The following TLK2 variants were observed in gnomAD, a reference collection of about 807,000 sequenced individuals.
TLK2 encodes the protein serine/threonine-protein kinase tousled-like 2.
In TLK2, 6 loss-of-function variants were observed where a neutral mutation model predicts 117.3. That is an observed-to-expected ratio of 0.05 (90% CI 0.03 to 0.10). The LOEUF (loss-of-function observed/expected upper bound fraction) is 0.10, where lower values mean the gene tolerates loss of function less well. Among genes scored for constraint, TLK2 ranks in the 10% least tolerant of loss-of-function variants. TLK2 has a pLI of 1.00. For synonymous variants in TLK2, 257 were observed against 316.7 expected, an observed-to-expected ratio of 0.81 and a Z score of 2.00; for missense variants, 299 against 901.2, an observed-to-expected ratio of 0.33 and a Z score of 8.56.
exon 1 of TLK2, chr17:62,471,067 C>T (rs2070932056): frequency 6.6e-6 from 1 of 152,252 alleles, no homozygotes; most frequent in South Asian, 2.1e-4. Context: ...GCCTTGATGA[C>T]AGCCTGTGGA....
intron 12 of TLK2, chr17:62,574,474 G>C (rs952551423): frequency 1.2e-6 from 1 of 819,580 alleles, no homozygotes; most frequent in African/African-American, 1.7e-5. Context: ...TGTGCATAAT[G>C]AACTTGGAAA....
chr17:62,569,502 C>G (rs1321294187), intron 11 of TLK2, among the ~76,000 whole-genome samples: 1 of 124,958 alleles, frequency 8.0e-6, no homozygotes, highest in Non-Finnish European at 1.6e-5. Flanking sequence ...GTGGCGTGAT[C>G]TCGGCTCACT....
At chr17:62,489,359 C>G (rs2072856804) in intron 2 of TLK2, among the ~76,000 whole-genome samples, 1 of 151,994 alleles carries the variant, frequency 6.6e-6, no homozygotes, top group South Asian at 2.1e-4. Flanking sequence ...TGCCACCATG[C>G]CCGGCTAATT....
At position 62,557,778 on chromosome 17, in the gene TLK2, CA is replaced by C. The variant is rs576101315; in HGVS notation, c.721-2237del. The stretch of plus-strand genomic sequence containing the variant: ...ATCTGACTCTTTAAGATTGAGATGA[CA>C]GAGTATGAGAAAAACTTGAATCCTA... On this transcript the variant is annotated intron_variant, in intron 9 of 21. Coordinates refer to ENST00000346027, the MANE Select transcript of TLK2 (RefSeq NM_006852.6). Among the ~76,000 whole-genome samples the C allele has an allele frequency of 1.3e-3, 192 of 152,274 alleles. 1 individual carries two copies. Among genetic ancestry groups the C allele is most frequent in the Non-Finnish European group, 2.1e-3 (140 of 68,014 alleles).
In TLK2 at chr17:62,558,100, G is replaced by A. The variant is rs187383261; in HGVS notation, c.721-1916G>A. On this transcript the variant is annotated intron_variant, in intron 9 of 21. Transcript: ENST00000346027. ...TTTCAGACGTCATTCATTGAATTTT[G>A]CCATTTTAATAAGATGTTGGGTATG... is the stretch of plus-strand genomic sequence containing the variant. Among the ~76,000 whole-genome samples the A allele has an allele frequency of 5.3e-3, 807 of 151,736 alleles. 31 individuals carry two copies. The South Asian group carries it at 0.085, about 16-fold the overall frequency.
chr17:62,599,680 C>G (rs1228260495), intron 17 of TLK2, among the ~76,000 whole-genome samples: 1 of 152,184 alleles, frequency 6.6e-6, no homozygotes, highest in Admixed American at 6.5e-5. Context: ...GCCTCACTGA[C>G]CAGTTTGTCT....
At chr17:62,474,052 T>A (rs1408809873), upstream of TLK2, among the ~76,000 whole-genome samples, 1 of 152,052 alleles carries the variant, frequency 6.6e-6, no homozygotes, top group Non-Finnish European at 1.5e-5. Flanking sequence ...TATGGCAACA[T>A]GCGCATCTAA....
At chr17:62,545,467 A>G (rs1157892705) in intron 7 of TLK2, among the ~76,000 whole-genome samples, 1 of 152,076 alleles carries the variant, frequency 6.6e-6, no homozygotes, top group African/African-American at 2.4e-5. Flanking sequence ...TAAATATTAC[A>G]TTAGCCAGGC....
At chr17:62,563,344 T>C (rs760101634) in intron 10 of TLK2, among the ~76,000 whole-genome samples, 3 of 152,102 alleles carry the variant, frequency 2.0e-5, no homozygotes, top group Non-Finnish European at 4.4e-5. Context: ...CTCAGGAGGC[T>C]GAGGTGGGAG....
At chr17:62,555,370 TA>T (rs1429882948) in intron 9 of TLK2, among the ~76,000 whole-genome samples, 3 of 152,182 alleles carry the variant, frequency 2.0e-5, no homozygotes, top group Non-Finnish European at 4.4e-5. Flanking sequence ...AATGAAAACA[TA>T]GGGTAAAATA....
At position 62,592,909 on chromosome 17, in the gene TLK2, C is replaced by T. The variant is rs8074695; in HGVS notation, c.1461-3676C>T. 5.2e-3 allele frequency among the ~76,000 whole-genome samples: 796 copies of T among 152,306 alleles called. 5 individuals carry two copies. Among genetic ancestry groups the T allele is most frequent in the African/African-American group, 0.018 (758 of 41,556 alleles). Reference sequence around the variant, plus strand: ...GCATTAGGTTCTCATAAGGAGCACACAACCTAGATCCCTGGTGTGCACAGT... The same window carrying T: ...GCATTAGGTTCTCATAAGGAGCACATAACCTAGATCCCTGGTGTGCACAGT... On this transcript the variant is annotated intron_variant, in intron 16 of 21. Coordinates refer to ENST00000346027, the MANE Select transcript of TLK2 (RefSeq NM_006852.6).
Position 62,472,787 on chromosome 17 carries a change from C to T in TLK2, c.-205+1709C>T, listed in dbSNP as rs544402819. On this transcript the variant is annotated intron_variant, in intron 1 of 4. Coordinates refer to the TLK2 transcript ENST00000579450. ...TGGGCAGTCAGGAGAGACAGGTGGA[C>T]CTGGGAGCTGTGTCTTCTACTCAAG... 2.1e-3 allele frequency among the ~76,000 whole-genome samples: 318 copies of T among 151,116 alleles called. 2 individuals carry two copies. Among genetic ancestry groups the T allele is most frequent in the South Asian group, 8.8e-3 (42 of 4,774 alleles).
Position 62,585,323 on chromosome 17 carries a change from C to T in TLK2, c.1369-812C>T, listed in dbSNP as rs565984147. Among the ~76,000 whole-genome samples the T allele has an allele frequency of 2.9e-3, 449 of 152,308 alleles. 3 individuals are homozygous for T. Among genetic ancestry groups the T allele is most frequent in the Non-Finnish European group, 2.7e-3 (187 of 68,026 alleles). ...TTTGGGAGGCCGAAGCGGGGCGGATCGCCTGAGGTCAGGAGACCAGCCTGA... is the reference window on the plus strand; with the variant it reads ...TTTGGGAGGCCGAAGCGGGGCGGATTGCCTGAGGTCAGGAGACCAGCCTGA... On this transcript the variant is annotated intron_variant, in intron 15 of 21. Coordinates refer to ENST00000346027, the MANE Select transcript of TLK2 (RefSeq NM_006852.6).
In TLK2 at chr17:62,565,046, C is replaced by T. The variant is rs750314324; in HGVS notation, c.877C>T (p.Arg293Cys). 6.2e-7 allele frequency: 1 copy of T among 1,613,964 alleles called. No individual in the cohort carries two copies. The highest frequency in any genetic ancestry group is 1.1e-5 in the South Asian group (1 of 91,084). ...MACRDKSMQD[R>C]LRLGHFTTVR... ...GTGTAGAGATAAGAGCATGCAAGAC[C>T]GCTTGAGACTGGGCCACTTTACTAC... The change falls in exon 11 of 22, where the codon CGC (arginine) becomes TGC (cysteine). Residue 293 changes from arginine to cysteine, a missense_variant. By Grantham distance (180) the Arg-to-Cys change is radical (BLOSUM62 -3). Around this residue, in one of 4 missense-constraint regions of TLK2, gnomAD observed 94 missense variants for 282.6 expected, o/e 0.33. Transcript: ENST00000346027.
chr17:62,512,307 C>T (rs1315396198), intron 2 of TLK2, among the ~76,000 whole-genome samples: 17 of 138,714 alleles, frequency 1.2e-4, no homozygotes, highest in Middle Eastern at 4.7e-3. Context: ...ACTGCAACCT[C>T]TGCCCCCTGG....
chr17:62,608,205 C>A, intron 21 of TLK2, 57 bp downstream of exon 21: 1 of 1,410,148 alleles, frequency 7.1e-7, no homozygotes, highest in Non-Finnish European at 9.9e-7. Flanking sequence ...TTCTGTATTA[C>A]TTTTTTGGGT....
intron 2 of TLK2, among the ~76,000 whole-genome samples, chr17:62,495,235 A>G (rs909689743): frequency 2.0e-5 from 3 of 152,068 alleles, no homozygotes; most frequent in Non-Finnish European, 4.4e-5. Flanking sequence ...TGGTGAGCCA[A>G]GATCACACCA....
rs1413154429 is a variant in TLK2, at chr17:62,535,340, T to C, written c.364-830T>C. On this transcript the variant is annotated intron_variant, in intron 6 of 21. Transcript: ENST00000346027. ...ATCATTTTTAGGTTTCTGGAGTGAG[T>C]TATGCGTAATTGTGATGTATTATCC... is the stretch of plus-strand genomic sequence containing the variant. 2.6e-5 allele frequency among the ~76,000 whole-genome samples: 4 copies of C among 152,316 alleles called. No individual in the cohort carries two copies. In the East Asian group the frequency reaches 7.7e-4, roughly 29 times the overall value.
intron 20 of TLK2, among the ~76,000 whole-genome samples, chr17:62,606,684 A>G (rs563033563): frequency 8.3e-4 from 127 of 152,310 alleles, no homozygotes; most frequent in African/African-American, 2.9e-3. Context: ...TTATATTTCT[A>G]TACTGGGGAG....
Sources: gnomAD v4.1 joint callset for allele counts (sites outside exome capture counted in the v4.1 genomes callset) on GRCh38, gnomAD v4.1.1 for gene constraint, gnomAD v4.1.1 regional missense constraint, MANE v1.5 for transcripts, NCBI Gene and HGNC (gene_info 2026-07-23, HGNC 2026-07-21) for gene names.